Variants in CADM2 observed in about 807,000 individuals in gnomAD.
The protein encoded by CADM2 is cell adhesion molecule 2.
In CADM2, 12 loss-of-function variants were observed where a neutral mutation model predicts 49.8. The observed-to-expected ratio is 0.24, with a 90% CI of 0.15 to 0.39. CADM2 has a LOEUF of 0.39. Among genes scored for constraint, CADM2 ranks in the 10% least tolerant of loss-of-function variants. CADM2 has a pLI of 1.00. For synonymous variants in CADM2, 214 were observed against 175.4 expected (o/e 1.22, Z -1.74); for missense variants, 378 against 492.3 (o/e 0.77, Z 2.20).
intron 5 of CADM2, among the ~76,000 whole-genome samples, chr3:85,893,469 T>C (rs560589213): frequency 3.3e-5 from 5 of 152,240 alleles, no homozygotes; most frequent in African/African-American, 1.2e-4. Flanking sequence ...CGAAAAGCAA[T>C]GGCAACAAAA....
chr3:85,636,084 A>G (rs1368097750), intron 1 of CADM2, among the ~76,000 whole-genome samples: 1 of 152,196 alleles, frequency 6.6e-6, no homozygotes. Context: ...TCATTATTGT[A>G]GATTGTACTC....
At chr3:85,085,686 A>G (rs2037340859) in intron 1 of CADM2, among the ~76,000 whole-genome samples, 1 of 152,106 alleles carries the variant, frequency 6.6e-6, no homozygotes, top group African/African-American at 2.4e-5. Context: ...CCTGCCTTTT[A>G]CTTTCCAGAA....
At chr3:85,388,941 A>G (rs979948656) in intron 1 of CADM2, among the ~76,000 whole-genome samples, 3 of 152,150 alleles carry the variant, frequency 2.0e-5, no homozygotes, top group Non-Finnish European at 2.9e-5. Context: ...TAATGAAAGC[A>G]CTTAATCTAG....
intron 1 of CADM2, among the ~76,000 whole-genome samples, chr3:85,460,519 G>A (rs572935529): frequency 2.6e-5 from 4 of 152,126 alleles, no homozygotes; most frequent in South Asian, 2.1e-4. Context: ...GTTTTTGAAG[G>A]AGGTATGAAG....
intron 1 of CADM2, among the ~76,000 whole-genome samples, chr3:84,963,791 T>C (rs1274390367): frequency 6.6e-6 from 1 of 152,206 alleles, no homozygotes; most frequent in Non-Finnish European, 1.5e-5. Context: ...TTACGCTTCC[T>C]AAAAGCATAT....
chr3:85,744,725 G>T (rs2068542109), intron 2 of CADM2, among the ~76,000 whole-genome samples: 1 of 151,912 alleles, frequency 6.6e-6, no homozygotes, highest in African/African-American at 2.4e-5. Context: ...GGAGCAAGGG[G>T]TCTGGAATGG....
intron 1 of CADM2, among the ~76,000 whole-genome samples, chr3:85,136,760 AT>A (rs768043977): frequency 6.6e-6 from 1 of 151,918 alleles, no homozygotes; most frequent in Non-Finnish European, 1.5e-5. Context: ...CCAAACAGCT[AT>A]TTCATATGTA....
chr3:86,032,858 ACCAACCCTG>A (rs1211471984), intron 8 of CADM2, among the ~76,000 whole-genome samples: 1 of 151,878 alleles, frequency 6.6e-6, no homozygotes, highest in Non-Finnish European at 1.5e-5. Context: ...TTCCTTTAAA[ACCAACCCTG>A]CCTTTCTCAT....
intron 1 of CADM2, among the ~76,000 whole-genome samples, chr3:85,337,487 A>G (rs1293038777): frequency 6.6e-6 from 1 of 151,406 alleles, no homozygotes; most frequent in Non-Finnish European, 1.5e-5. Flanking sequence ...TAAATGGCCT[A>G]CAGACTGAAG....
chr3:85,868,579 T>C (rs964894199), intron 3 of CADM2, among the ~76,000 whole-genome samples: 6 of 152,172 alleles, frequency 3.9e-5, no homozygotes, highest in Non-Finnish European at 7.4e-5. Flanking sequence ...TGGTTGGTTA[T>C]GAAATTTTTG....
intron 1 of CADM2, among the ~76,000 whole-genome samples, chr3:84,980,183 AG>A (rs1448112520): frequency 1.3e-5 from 2 of 152,216 alleles, no homozygotes; most frequent in Non-Finnish European, 2.9e-5. Context: ...ATTCACCGAC[AG>A]CCCCAGATGC....
chr3:85,884,526 T>C (rs1053501288), intron 4 of CADM2, among the ~76,000 whole-genome samples: 3 of 152,136 alleles, frequency 2.0e-5, no homozygotes, highest in Non-Finnish European at 2.9e-5. Context: ...AGAGAGCCAA[T>C]TTGAAATCCA....
chr3:85,536,140 A>C (rs1448593156), intron 1 of CADM2, among the ~76,000 whole-genome samples: 1 of 152,122 alleles, frequency 6.6e-6, no homozygotes, highest in Non-Finnish European at 1.5e-5. Context: ...TGTGTGTTTA[A>C]GGGATTAACT....
chr3:85,252,218 A>C (rs2042792421), intron 1 of CADM2, among the ~76,000 whole-genome samples: 1 of 152,040 alleles, frequency 6.6e-6, no homozygotes. Context: ...GAACCAATTC[A>C]AATTACTTAT....
chr3:85,868,172 T>C (rs1376306418), intron 3 of CADM2, among the ~76,000 whole-genome samples: 1 of 152,072 alleles, frequency 6.6e-6, no homozygotes, highest in Non-Finnish European at 1.5e-5. Flanking sequence ...ATCCGTTAGA[T>C]ACATTTTCTA....
intron 1 of CADM2, among the ~76,000 whole-genome samples, chr3:85,363,230 T>C (rs913725762): frequency 6.6e-6 from 1 of 152,230 alleles, no homozygotes; most frequent in Admixed American, 6.5e-5. Flanking sequence ...CATATGGTCA[T>C]TTCATAGTGT....
At chr3:85,205,519 ACAG>A (rs2041610999) in intron 1 of CADM2, among the ~76,000 whole-genome samples, 1 of 152,130 alleles carries the variant, frequency 6.6e-6, no homozygotes, top group African/African-American at 2.4e-5. Context: ...CGAGATAGAT[ACAG>A]AAGTATTAAA....
At chr3:85,279,925 G>A (rs773301559) in intron 1 of CADM2, among the ~76,000 whole-genome samples, 4 of 151,290 alleles carry the variant, frequency 2.6e-5, no homozygotes, top group Non-Finnish European at 5.9e-5. Flanking sequence ...TTTTATTTTT[G>A]GAAATCAACT....
At chr3:85,779,080 T>C (rs2070499999) in intron 2 of CADM2, among the ~76,000 whole-genome samples, 1 of 152,108 alleles carries the variant, frequency 6.6e-6, no homozygotes, top group African/African-American at 2.4e-5. Context: ...ATTGTCCAAA[T>C]ACAAGAGAGT....
Sources: allele counts gnomAD v4.1 joint callset (sites outside exome capture counted in the v4.1 genomes callset), GRCh38; gene constraint gnomAD v4.1.1; transcripts MANE v1.5; gene names NCBI Gene and HGNC (gene_info 2026-07-23, HGNC 2026-07-21).